Variants in CSTA observed in about 807,000 individuals in gnomAD.
The protein encoded by CSTA is cystatin A, also known as cystatin-A.
CSTA carries 9 observed loss-of-function variants against 9.2 expected under a neutral mutation model. The observed-to-expected ratio is 0.97, with a 90% CI of 0.59 to 1.70. The LOEUF is 1.70. CSTA is among the 40% of genes most tolerant of loss of function. The pLI, the probability that CSTA is intolerant of heterozygous loss-of-function variation, is 0.00. For missense variants in CSTA, 118 were observed against 113.1 expected, an observed-to-expected ratio of 1.04 and a Z score of -0.20; for synonymous variants, 36 against 40.6, an observed-to-expected ratio of 0.89 and a Z score of 0.43.
Position 122,341,774 on chromosome 3 carries a change from T to C in CSTA, c.*207T>C, listed in dbSNP as rs1354205728. The C allele has an allele frequency of 6.6e-6, 4 of 602,496 alleles. No homozygotes were observed. Among genetic ancestry groups the C allele is most frequent in the South Asian group, 2.0e-5 (1 of 49,970 alleles). 37.3% of individuals were successfully genotyped at this position (602,496 alleles called of 1,614,324 possible). Reference sequence around the variant, plus strand: ...AGAGTATAAACTCCATATAAATTGATGGCAATTGGAAATCTTATAAAAACT... The same window carrying C: ...AGAGTATAAACTCCATATAAATTGACGGCAATTGGAAATCTTATAAAAACT... On this transcript the variant is annotated 3_prime_UTR_variant, in exon 3 of 3. Coordinates refer to ENST00000264474, the MANE Select transcript of CSTA (RefSeq NM_005213.4).
chr3:122,338,915 C>CT (rs1464447596), intron 2 of CSTA, among the ~76,000 whole-genome samples: 2 of 152,124 alleles, frequency 1.3e-5, no homozygotes, highest in Non-Finnish European at 2.9e-5. Flanking sequence ...CTTGACCACC[C>CT]TTTTGCCCTC....
At chr3:122,336,918 A>T (rs974643708) in intron 1 of CSTA, among the ~76,000 whole-genome samples, 4 of 152,212 alleles carry the variant, frequency 2.6e-5, no homozygotes, top group African/African-American at 9.7e-5. Flanking sequence ...CTTCAAAAAC[A>T]TCAAGGCCAT....
At position 122,339,003 on chromosome 3, in the gene CSTA, G is replaced by A. The variant is rs372447631; in HGVS notation, c.168+1355G>A. ...CTTTTCCTACTGGATCTCAGCCACC[G>A]ATCCCAGTTCCCTTTTACTTCCTGG... is the stretch of plus-strand genomic sequence containing the variant. On this transcript the variant is annotated intron_variant, in intron 2 of 2. Coordinates refer to ENST00000264474, the MANE Select transcript of CSTA (RefSeq NM_005213.4). Among the ~76,000 whole-genome samples the A allele has an allele frequency of 4.1e-4, 63 of 151,972 alleles. 3 individuals are homozygous for A. The South Asian group carries it at 8.5e-3, about 21-fold the overall frequency.
rs528166567 is a variant in CSTA, at chr3:122,336,082, A to G, written c.67-1465A>G. 3.3e-5 allele frequency among the ~76,000 whole-genome samples: 5 copies of G among 152,272 alleles called. No individual in the cohort carries two copies. The South Asian group carries it at 1.0e-3, about 32-fold the overall frequency. On this transcript the variant is annotated intron_variant, in intron 1 of 2. Coordinates refer to ENST00000264474, the MANE Select transcript of CSTA (RefSeq NM_005213.4). ...CACACACATACACAAATGCGTAAAG[A>G]TGTGTGCATGTGTGAGTACACATAT...
intron 2 of CSTA, among the ~76,000 whole-genome samples, chr3:122,339,602 G>A (rs569241159): frequency 1.3e-5 from 2 of 152,258 alleles, no homozygotes; most frequent in Admixed American, 6.5e-5. Flanking sequence ...CCTGTAATCC[G>A]AACACTTTGG....
chr3:122,326,411 C>T (rs919605515), intron 1 of CSTA, among the ~76,000 whole-genome samples: 3 of 152,234 alleles, frequency 2.0e-5, no homozygotes, highest in African/African-American at 7.2e-5. Context: ...GAAAGGAAAA[C>T]ATGTACAAAT....
At chr3:122,331,717 C>A (rs973902069) in intron 1 of CSTA, among the ~76,000 whole-genome samples, 1 of 152,202 alleles carries the variant, frequency 6.6e-6, no homozygotes. Context: ...AACATTCTTG[C>A]AGTCATATTT....
At chr3:122,327,434 C>T (rs1353464263) in intron 1 of CSTA, among the ~76,000 whole-genome samples, 3 of 144,838 alleles carry the variant, frequency 2.1e-5, no homozygotes, top group Non-Finnish European at 4.5e-5. Context: ...GAGGCTGAGG[C>T]AGGAGAATGG....
At chr3:122,337,472 T>TG (rs1576893649) in intron 1 of CSTA, 75 bp from the exon 2 acceptor site, 1 of 964,572 alleles carries the variant, frequency 1.0e-6, no homozygotes, top group East Asian at 2.4e-5. Flanking sequence ...GAGGATGAGG[T>TG]TCCCAGATGG....
chr3:122,327,222 C>G (rs908101982), intron 1 of CSTA, among the ~76,000 whole-genome samples: 1 of 144,426 alleles, frequency 6.9e-6, no homozygotes, highest in South Asian at 2.2e-4. Context: ...GGCAACAGAG[C>G]AAGACTCTGT....
intron 1 of CSTA, among the ~76,000 whole-genome samples, chr3:122,333,698 GAAAGAAAGAA>G (rs1559981696): frequency 1.2e-4 from 15 of 129,476 alleles, no homozygotes; most frequent in African/African-American, 4.1e-4. Flanking sequence ...AAGAGAGAGA[GAAAGAAAGAA>G]AAAGAAAGAA....
chr3:122,340,065 G>A (rs2075257132), intron 2 of CSTA, among the ~76,000 whole-genome samples: 1 of 152,128 alleles, frequency 6.6e-6, no homozygotes, highest in South Asian at 2.1e-4. Flanking sequence ...TATATAAAAT[G>A]TTCATCATAG....
chr3:122,337,465 G>T, intron 1 of CSTA, 82 bp from the exon 2 acceptor site: 1 of 890,998 alleles, frequency 1.1e-6, no homozygotes, highest in South Asian at 1.4e-5. Context: ...CTTTTAGGAG[G>T]ATGAGGTTCC....
intron 1 of CSTA, among the ~76,000 whole-genome samples, chr3:122,329,568 A>T (rs1246280126): frequency 6.6e-6 from 1 of 152,162 alleles, no homozygotes; most frequent in Non-Finnish European, 1.5e-5. Context: ...TCTGTTTCAA[A>T]AAATAAATAA....
intron 1 of CSTA, among the ~76,000 whole-genome samples, chr3:122,333,002 T>C (rs1412073007): frequency 6.6e-6 from 1 of 152,156 alleles, no homozygotes; most frequent in Non-Finnish European, 1.5e-5. Flanking sequence ...CATTAAACCA[T>C]GCAAATCTAT....
In CSTA at chr3:122,341,678, T is replaced by C; in HGVS notation, c.*111T>C. On this transcript the variant is annotated 3_prime_UTR_variant, in exon 3 of 3. Transcript: ENST00000264474. ...CATTCTTTTCCAAAGAAATTATTTC[T>C]TCAATTATTTCTCATTTATTGTATT... is the stretch of plus-strand genomic sequence containing the variant. 1 of 1,317,532 alleles carries C rather than the reference T, an allele frequency of 7.6e-7. No homozygotes were observed. The allele number at this position is 1,317,532 out of a possible 1,614,324, so 81.6% of individuals were successfully genotyped here.
chr3:122,337,627 T>C lies in CSTA; in HGVS notation c.147T>C (p.Ala49=), dbSNP rs769472802. Residue 49 remains alanine, a synonymous_variant, in exon 2 of 3, where the codon GCT becomes GCC. Transcript: ENST00000264474. ...TGCAGTATAAAACTCAAGTTGTTGCTGGAACAAATTACTACATTAAGGTTA... is the reference window on the plus strand; with the variant it reads ...TGCAGTATAAAACTCAAGTTGTTGCCGGAACAAATTACTACATTAAGGTTA... ...EAVQYKTQVV[A]GTNYYIKVRA... is the part of the protein sequence containing the mutation. 2 of 1,610,158 alleles carry C rather than the reference T, an allele frequency of 1.2e-6. No individual in the cohort carries two copies. The highest frequency in any genetic ancestry group is 1.1e-5 in the South Asian group (1 of 90,990).
At position 122,331,574 on chromosome 3, in the gene CSTA, C is replaced by G. The variant is rs79424361; in HGVS notation, c.67-5973C>G. 4.9e-4 allele frequency among the ~76,000 whole-genome samples: 74 copies of G among 152,312 alleles called. 2 individuals carry two copies. The highest frequency in any genetic ancestry group is 4.7e-4 in the Non-Finnish European group (32 of 68,024). On this transcript the variant is annotated intron_variant, in intron 1 of 2. Coordinates refer to ENST00000264474, the MANE Select transcript of CSTA (RefSeq NM_005213.4). ...AATTAAAGGTCACACCCACTGCCAC[C>G]ACTTTCTATGCAGCTACTACTGTTC...
At chr3:122,331,080 C>T (rs2075201645) in intron 1 of CSTA, among the ~76,000 whole-genome samples, 1 of 150,440 alleles carries the variant, frequency 6.6e-6, no homozygotes, top group Non-Finnish European at 1.5e-5. Context: ...GGCTACTATA[C>T]ATGCAATGTG....
Sources: gnomAD v4.1 joint callset for allele counts (sites outside exome capture counted in the v4.1 genomes callset) on GRCh38, gnomAD v4.1.1 for gene constraint, MANE v1.5 for transcripts, NCBI Gene and HGNC (gene_info 2026-07-23, HGNC 2026-07-21) for gene names.